The following LRTM1 variants were observed in gnomAD, a reference collection of about 807,000 sequenced individuals.
LRTM1 encodes leucine rich repeat transmembrane protein 1.
A neutral mutation model predicts 32.4 loss-of-function variants in LRTM1; 38 were observed. The ratio of observed to expected loss-of-function variants is 1.17; its 90% CI spans 0.91 to 1.54. LRTM1 has a LOEUF of 1.54. Among genes scored for constraint, LRTM1 ranks in the 40% most tolerant of loss-of-function variants. The probability of loss-of-function intolerance (pLI) is 0.00; values close to 1 mark genes in which losing one functional copy is unlikely to be tolerated. For synonymous variants in LRTM1, 186 were observed against 169.9 expected, an observed-to-expected ratio of 1.09 and a Z score of -0.74; for missense variants, 466 against 415.4, an observed-to-expected ratio of 1.12 and a Z score of -1.06.
upstream of LRTM1, among the ~76,000 whole-genome samples, chr3:54,930,658 G>T (rs1225102328): frequency 6.6e-6 from 1 of 152,208 alleles, no homozygotes; most frequent in African/African-American, 2.4e-5. Flanking sequence ...ATTCCCTAAA[G>T]TTCTATGGTC....
chr3:54,931,810 A>G (rs1701197457), upstream of LRTM1, among the ~76,000 whole-genome samples: 2 of 152,278 alleles, frequency 1.3e-5, no homozygotes, highest in African/African-American at 4.8e-5. Flanking sequence ...ATGATTATTA[A>G]CCCTACAATA....
chr3:54,938,422 G>A (rs1009864204), intron 1 of LRTM1, among the ~76,000 whole-genome samples: 3 of 152,192 alleles, frequency 2.0e-5, no homozygotes, highest in Non-Finnish European at 4.4e-5. Flanking sequence ...GCTTGAAGCA[G>A]ACAGTATTAG....
chr3:54,943,960 G>A (rs1433791124), intron 1 of LRTM1, among the ~76,000 whole-genome samples: 1 of 152,142 alleles, frequency 6.6e-6, no homozygotes, highest in African/African-American at 2.4e-5. Flanking sequence ...CTCCGACCTT[G>A]TAGCTCTGAA....
chr3:54,962,329 AT>A (rs1702049582), intron 1 of LRTM1, among the ~76,000 whole-genome samples: 2 of 152,302 alleles, frequency 1.3e-5, no homozygotes, highest in South Asian at 4.1e-4. Flanking sequence ...GCTCACTGAT[AT>A]AACACTCTAA....
intron 1 of LRTM1, among the ~76,000 whole-genome samples, chr3:54,957,740 G>A (rs186609993): frequency 6.6e-6 from 1 of 152,146 alleles, no homozygotes; most frequent in Non-Finnish European, 1.5e-5. Context: ...CATCCCTGGT[G>A]CCCATTGCTC....
upstream of LRTM1, among the ~76,000 whole-genome samples, chr3:54,933,058 TTCCTTCCTTCC>T (rs1228534882): frequency 3.4e-3 from 24 of 7,052 alleles, no homozygotes; most frequent in Non-Finnish European, 6.2e-3. Flanking sequence ...CCTCCCTTCC[TTCCTTCCTTCC>T]TTCCTTCCTT....
At chr3:54,961,300 A>G (rs377455216) in intron 1 of LRTM1, among the ~76,000 whole-genome samples, 8 of 152,248 alleles carry the variant, frequency 5.3e-5, no homozygotes, top group African/African-American at 1.9e-4. Context: ...TGATTAAGAA[A>G]TATGACCAGC....
At chr3:54,935,670 T>A (rs1483203212) in intron 1 of LRTM1, among the ~76,000 whole-genome samples, 1 of 152,230 alleles carries the variant, frequency 6.6e-6, no homozygotes, top group Non-Finnish European at 1.5e-5. Context: ...TTGTTGGGTT[T>A]TTATTTGCTT....
rs1046630009 is a variant in LRTM1, at chr3:54,944,043, G to T, written c.-221-18828C>A. On this transcript the variant is annotated intron_variant, in intron 1 of 2. Coordinates refer to the LRTM1 transcript ENST00000493075. ...AGAATACCTGGCTGAAAATCATTTTGAATTTTGAAGGCATTGCTCCATTTT... is the reference window on the plus strand; with the variant it reads ...AGAATACCTGGCTGAAAATCATTTTTAATTTTGAAGGCATTGCTCCATTTT... Among the ~76,000 whole-genome samples the T allele has an allele frequency of 2.0e-4, 30 of 152,068 alleles. 1 individual carries two copies. The highest frequency in any genetic ancestry group is 4.4e-5 in the Non-Finnish European group (3 of 68,016).
chr3:54,946,938 G>A (rs552921237), intron 1 of LRTM1, among the ~76,000 whole-genome samples: 2 of 152,204 alleles, frequency 1.3e-5, no homozygotes, highest in East Asian at 1.9e-4. Context: ...AAATAGTTAA[G>A]CATTGTGAAA....
At chr3:54,934,442 G>T (rs753851471) in intron 1 of LRTM1, among the ~76,000 whole-genome samples, 2 of 152,172 alleles carry the variant, frequency 1.3e-5, no homozygotes, top group Admixed American at 1.3e-4. Context: ...TAAGAATTCA[G>T]GTTCAAGGAA....
intron 1 of LRTM1, among the ~76,000 whole-genome samples, chr3:54,949,433 GAGCC>G (rs1357999215): frequency 6.6e-6 from 1 of 152,172 alleles, no homozygotes; most frequent in African/African-American, 2.4e-5. Flanking sequence ...AAATTAGTTT[GAGCC>G]ATCTATGAAT....
At chr3:54,955,007 T>A (rs9840874) in intron 1 of LRTM1, among the ~76,000 whole-genome samples, 5,419 of 152,248 alleles carry the variant, frequency 0.036, 311 homozygotes, top group African/African-American at 0.12. Flanking sequence ...ATGAGAGGTG[T>A]AGAGAAAACT....
chr3:54,921,577 G>C (rs1265220678), intron 2 of LRTM1, among the ~76,000 whole-genome samples: 1 of 152,088 alleles, frequency 6.6e-6, no homozygotes, highest in Non-Finnish European at 1.5e-5. Flanking sequence ...TGGTCTATTT[G>C]AGGCCATGTG....
rs994127462 is a variant in LRTM1, at chr3:54,927,979, G to A, written c.-68C>T. Reference sequence around the variant, plus strand: ...TTAATTAATGTGCAGAGCAACACACGAAGGGCATGGCAGACTCAGAGCCCA... The same window carrying A: ...TTAATTAATGTGCAGAGCAACACACAAAGGGCATGGCAGACTCAGAGCCCA... On this transcript the variant is annotated 5_prime_UTR_variant, in exon 1 of 3. Transcript: ENST00000273286. 4.1e-6 allele frequency: 6 copies of A among 1,479,728 alleles called. No homozygotes were observed. The highest frequency in any genetic ancestry group is 1.7e-4 in the Middle Eastern group (1 of 5,780). 91.7% of individuals were successfully genotyped at this position (1,479,728 alleles called of 1,614,324 possible).
chr3:54,965,913 G>T (rs578171736), intron 1 of LRTM1, among the ~76,000 whole-genome samples: 37 of 152,272 alleles, frequency 2.4e-4, no homozygotes, highest in African/African-American at 8.7e-4. Flanking sequence ...GGACGAGGAT[G>T]CAGCCTGCTG....
At chr3:54,939,199 A>G (rs1701398821) in intron 1 of LRTM1, among the ~76,000 whole-genome samples, 1 of 152,208 alleles carries the variant, frequency 6.6e-6, no homozygotes, top group Admixed American at 6.5e-5. Flanking sequence ...TCTCAGACAC[A>G]GGGTGCTTTA....
At chr3:54,921,271 C>T (rs1700841567) in intron 2 of LRTM1, among the ~76,000 whole-genome samples, 1 of 152,086 alleles carries the variant, frequency 6.6e-6, no homozygotes, top group Non-Finnish European at 1.5e-5. Context: ...CTCCCTTGAC[C>T]ACGTTGTGCC....
chr3:54,957,076 G>A (rs570727322), intron 1 of LRTM1, among the ~76,000 whole-genome samples: 3 of 152,170 alleles, frequency 2.0e-5, no homozygotes, highest in South Asian at 4.2e-4. Context: ...CATACTAGAG[G>A]GCTTCATAAA....
Sources: allele counts gnomAD v4.1 joint callset (sites outside exome capture counted in the v4.1 genomes callset), GRCh38; gene constraint gnomAD v4.1.1; transcripts MANE v1.5; gene names NCBI Gene and HGNC (gene_info 2026-07-23, HGNC 2026-07-21).